The following GNA15 variants were observed in gnomAD, a reference collection of about 807,000 sequenced individuals.
The protein encoded by GNA15 is G protein subunit alpha 15.
A neutral mutation model predicts 40.1 loss-of-function variants in GNA15; 23 were observed. The ratio of observed to expected loss-of-function variants is 0.57; its 90% CI spans 0.41 to 0.81. GNA15 has a LOEUF of 0.81. Ranked by LOEUF, GNA15 falls within the 40% of genes least tolerant of loss-of-function variation. The pLI, the probability that GNA15 is intolerant of heterozygous loss-of-function variation, is 0.00. For missense variants in GNA15, 522 were observed against 515.8 expected (o/e 1.01, Z -0.12); for synonymous variants, 226 against 210.4 (o/e 1.07, Z -0.64).
intron 1 of GNA15, among the ~76,000 whole-genome samples, chr19:3,145,827 C>T (rs574426334): frequency 4.0e-5 from 6 of 151,382 alleles, no homozygotes; most frequent in East Asian, 2.0e-4. Context: ...AGATTATAGG[C>T]GTGAGCCACT....
Position 3,136,723 on chromosome 19 carries a change from A to G in GNA15, c.145+128A>G. On this transcript the variant is annotated intron_variant, in intron 1 of 6. Coordinates refer to ENST00000262958, the MANE Select transcript of GNA15 (RefSeq NM_002068.4). The surrounding 1 kb of genome is among the most constrained non-coding windows in gnomAD (Gnocchi z 4.9). Reference sequence around the variant, plus strand: ...CATCGTGGAGCCGTCGCCTCCTCCCAGGGAATGGGGAGCCTGGAACCCATT... The same window carrying G: ...CATCGTGGAGCCGTCGCCTCCTCCCGGGGAATGGGGAGCCTGGAACCCATT... The G allele has an allele frequency of 2.4e-6, 2 of 829,396 alleles. No individual in the cohort carries two copies. Among genetic ancestry groups the G allele is most frequent in the Non-Finnish European group, 3.7e-6 (2 of 537,150 alleles). The allele number at this position is 829,396 out of a possible 1,614,324, so 51.4% of individuals were successfully genotyped here. A position where few individuals can be genotyped will look rare whatever the true frequency, so the allele number is the denominator to read the frequency against.
intron 1 of GNA15, among the ~76,000 whole-genome samples, chr19:3,148,057 TG>T (rs1568295701): frequency 6.8e-6 from 1 of 147,910 alleles, no homozygotes; most frequent in Non-Finnish European, 1.5e-5. Context: ...AGGCATGGTC[TG>T]TTGAGGTCCA....
chr19:3,157,157 C>T (rs1162956973), intron 5 of GNA15, among the ~76,000 whole-genome samples: 1 of 151,976 alleles, frequency 6.6e-6, no homozygotes, highest in Non-Finnish European at 1.5e-5. Flanking sequence ...GCCATCATGC[C>T]CGGCTAATTT....
At chr19:3,145,381 G>A (rs1246560493) in intron 1 of GNA15, among the ~76,000 whole-genome samples, 2 of 59,002 alleles carry the variant, frequency 3.4e-5, no homozygotes, top group African/African-American at 1.2e-4. Context: ...TTGTAGAGAT[G>A]GGGTCTCACT....
In GNA15 at chr19:3,136,262, G is replaced by A. The variant is rs1013286167; in HGVS notation, c.-189G>A. On this transcript the variant is annotated 5_prime_UTR_variant, in exon 1 of 7. Coordinates refer to ENST00000262958, the MANE Select transcript of GNA15 (RefSeq NM_002068.4). This position sits in a 1 kb window ranked among gnomAD's most constrained non-coding sequence, Gnocchi z 4.9. ...CCAGCACTCAAGCCTTGCCACCGCC[G>A]AGCCGGGCTTCCTGGGTGTTTCAGG... 47 of 592,158 alleles carry A rather than the reference G, an allele frequency of 7.9e-5. No individual in the cohort carries two copies. The highest frequency in any genetic ancestry group is 4.1e-5 in the South Asian group (2 of 48,818). 36.7% of individuals were successfully genotyped at this position (592,158 alleles called of 1,614,324 possible).
chr19:3,145,357 ATAT>A (rs1436450619), intron 1 of GNA15, among the ~76,000 whole-genome samples: 2 of 41,668 alleles, frequency 4.8e-5, no homozygotes, highest in Non-Finnish European at 8.6e-5. Context: ...ATATATATAT[ATAT>A]TTTTTTTTTT....
At chr19:3,144,780 G>C (rs1456624490) in intron 1 of GNA15, among the ~76,000 whole-genome samples, 1 of 151,322 alleles carries the variant, frequency 6.6e-6, no homozygotes, top group Non-Finnish European at 1.5e-5. Context: ...CGCCCGCCTT[G>C]GCCTCCCATA....
Position 3,150,211 on chromosome 19 carries a change from G to A in GNA15, c.411G>A (p.Trp137Ter), listed in dbSNP as rs1243554188. The change falls in exon 3 of 7, where the codon TGG becomes TGA. Residue 137 changes from tryptophan (W) to a stop codon, truncating the protein, a stop_gained. Transcript: ENST00000262958. LOFTEE classifies it high-confidence loss of function. ...AGCGCTACGCTGCGGCCATGCAGTG[G>A]CTGTGGAGGGATGCCGGCATCCGGG... ...FEKRYAAAMQ[W>*]LWRDAGIRAC... 3 of 1,612,080 alleles carry A rather than the reference G, an allele frequency of 1.9e-6. No individual in the cohort carries two copies. Among genetic ancestry groups the A allele is most frequent in the Non-Finnish European group, 2.5e-6 (3 of 1,179,258 alleles).
At chr19:3,147,796 G>A (rs1914766835) in intron 1 of GNA15, among the ~76,000 whole-genome samples, 1 of 149,050 alleles carries the variant, frequency 6.7e-6, no homozygotes, top group Non-Finnish European at 1.5e-5. Flanking sequence ...GCTGAGGCAG[G>A]AGAATGGTGT....
chr19:3,151,741 G>A lies in GNA15; in HGVS notation c.520G>A (p.Gly174Ser), dbSNP rs1478806817. 1.9e-6 allele frequency: 3 copies of A among 1,610,190 alleles called. No individual in the cohort carries two copies. Among genetic ancestry groups the A allele is most frequent in the African/African-American group, 2.7e-5 (2 of 74,824 alleles). ...CCACCTGGAGCGCATCACCGAGGAG[G>A]GCTACGTCCCCACAGCTCAGGACGT... is the stretch of plus-strand genomic sequence containing the variant. ...LSHLERITEE[G>S]YVPTAQDVLR... Residue 174 changes from glycine (G) to serine (S), a missense_variant, in exon 4 of 7, where the codon GGC becomes AGC. By Grantham distance (56) the Gly-to-Ser change is moderately conservative. Coordinates refer to ENST00000262958, the MANE Select transcript of GNA15 (RefSeq NM_002068.4). The surrounding 1 kb of genome is among the most constrained non-coding windows in gnomAD (Gnocchi z 5.0).
chr19:3,151,857 A>G lies in GNA15; in HGVS notation c.614+22A>G, dbSNP rs943304376. 6.4e-7 allele frequency: 1 copy of G among 1,566,004 alleles called. No individual in the cohort carries two copies. Among genetic ancestry groups the G allele is most frequent in the Non-Finnish European group, 8.7e-7 (1 of 1,149,984 alleles). Reference sequence around the variant, plus strand: ...TGCGGTGAGCGCTCCACCTAGGCCCAGCCTAGGGGGCAGGGAAGGCTTCCT... The same window carrying G: ...TGCGGTGAGCGCTCCACCTAGGCCCGGCCTAGGGGGCAGGGAAGGCTTCCT... On this transcript the variant is annotated intron_variant, in intron 4 of 6. Transcript: ENST00000262958. The surrounding 1 kb of genome is among the most constrained non-coding windows in gnomAD (Gnocchi z 5.0).
intron 5 of GNA15, among the ~76,000 whole-genome samples, chr19:3,156,659 AT>A (rs202231628): frequency 0.02 from 2,974 of 150,044 alleles, 85 homozygotes; most frequent in African/African-American, 0.069. Context: ...CGCTCGGCTA[AT>A]TTTTTTTTTG....
At chr19:3,158,422 G>C (rs1568299423) in intron 6 of GNA15, among the ~76,000 whole-genome samples, 1 of 152,066 alleles carries the variant, frequency 6.6e-6, no homozygotes, top group Non-Finnish European at 1.5e-5. Flanking sequence ...AAAGTGCTAG[G>C]ATTATAGACA....
chr19:3,162,902 C>T lies in GNA15; in HGVS notation c.1008C>T (p.Ser336=), dbSNP rs776941525. The change falls in exon 7 of 7, where the codon TCC becomes TCT. Residue 336 remains serine, a synonymous_variant. Transcript: ENST00000262958. ...GPEGSKKGAR[S]RRLFSHYTCA... is the part of the protein sequence containing the mutation. Reference sequence around the variant, plus strand: ...AGGGCAGCAAGAAGGGCGCACGATCCCGACGCCTCTTCAGCCACTACACAT... The same window carrying T: ...AGGGCAGCAAGAAGGGCGCACGATCTCGACGCCTCTTCAGCCACTACACAT... 1 of 1,613,752 alleles carries T rather than the reference C, an allele frequency of 6.2e-7. No individual in the cohort carries two copies. Among genetic ancestry groups the T allele is most frequent in the Non-Finnish European group, 8.5e-7 (1 of 1,179,694 alleles).
chr19:3,140,044 A>AAATCT lies in GNA15; in HGVS notation c.145+3450_145+3451insATCTA, dbSNP rs71307196. Among the ~76,000 whole-genome samples the AAATCT allele has an allele frequency of 3.6e-4, 45 of 124,102 alleles. 1 individual carries two copies. The East Asian group carries it at 6.1e-3, about 17-fold the overall frequency. The allele number at this position is 124,102 out of a possible 152,430, so 81.4% of individuals were successfully genotyped here. ...GTGAAACTCCATCTCAAAAAAAAAA[A>AAATCT]ATCTATCTATCTATCTATCTATCTA... On this transcript the variant is annotated intron_variant, in intron 1 of 6. Coordinates refer to ENST00000262958, the MANE Select transcript of GNA15 (RefSeq NM_002068.4).
At chr19:3,158,938 G>A (rs543846546) in intron 6 of GNA15, among the ~76,000 whole-genome samples, 42 of 150,418 alleles carry the variant, frequency 2.8e-4, no homozygotes, top group Non-Finnish European at 4.9e-4. Context: ...TGGCCATAAC[G>A]TTTCTTTTTC....
chr19:3,161,962 G>A (rs978941039), intron 6 of GNA15, among the ~76,000 whole-genome samples: 3 of 151,944 alleles, frequency 2.0e-5, no homozygotes, highest in Non-Finnish European at 2.9e-5. Context: ...GAACCCAGGA[G>A]GTGGAGGTTG....
In GNA15 at chr19:3,148,650, G is replaced by A. The variant is rs752447530; in HGVS notation, c.205G>A (p.Gly69Ser). The change falls in exon 2 of 7, where the codon GGC becomes AGC. Residue 69 changes from glycine (G) to serine (S), a missense_variant. Physicochemically the swap from Gly to Ser is moderately conservative, Grantham distance 56. Transcript: ENST00000262958. ...GCAGATGCGGATCATCCACGGCGCC[G>A]GCTACTCGGAGGAGGAGCGCAAGGG... The part of the protein sequence containing the change: ...IKQMRIIHGA[G>S]YSEEERKGFR... The A allele has an allele frequency of 3.0e-5, 48 of 1,589,700 alleles. No individual in the cohort carries two copies. The Middle Eastern group carries it at 1.3e-3, about 44-fold the overall frequency.
Position 3,151,598 on chromosome 19 carries a change from C to T in GNA15, c.486-109C>T. ...CCAACTCCAGGGACCCCACCTCCAC[C>T]CAGGGAGCTCTCCTCCCCCAGCAGG... is the stretch of plus-strand genomic sequence containing the variant. On this transcript the variant is annotated intron_variant, in intron 3 of 6. Coordinates refer to ENST00000262958, the MANE Select transcript of GNA15 (RefSeq NM_002068.4). This position sits in a 1 kb window ranked among gnomAD's most constrained non-coding sequence, Gnocchi z 5.0. The T allele has an allele frequency of 1.5e-6, 2 of 1,314,986 alleles. No individual in the cohort carries two copies. Among genetic ancestry groups the T allele is most frequent in the Non-Finnish European group, 2.0e-6 (2 of 979,428 alleles). 81.5% of individuals were successfully genotyped at this position (1,314,986 alleles called of 1,614,324 possible). A position where few individuals can be genotyped will look rare whatever the true frequency, so the allele number is the denominator to read the frequency against.
Sources: allele counts gnomAD v4.1 joint callset (sites outside exome capture counted in the v4.1 genomes callset), GRCh38; gene constraint gnomAD v4.1.1; non-coding constraint Gnocchi (gnomAD v3.1); transcripts MANE v1.5; gene names NCBI Gene and HGNC (gene_info 2026-07-23, HGNC 2026-07-21).